Variants in ZNF560 observed in about 807,000 individuals in gnomAD.
ZNF560 encodes the protein zinc finger protein 560.
A neutral mutation model predicts 81.8 loss-of-function variants in ZNF560; 54 were observed. That is an observed-to-expected ratio of 0.66 (90% CI 0.53 to 0.83). The LOEUF (loss-of-function observed/expected upper bound fraction) is 0.83. Among genes scored for constraint, ZNF560 ranks in the 40% least tolerant of loss-of-function variants. ZNF560 has a pLI of 0.00. For missense variants in ZNF560, 940 were observed against 932.4 expected (o/e 1.01, Z -0.11); for synonymous variants, 321 against 317.9 (o/e 1.01, Z -0.10).
chr19:9,488,949 T>G (rs2073427092), intron 2 of ZNF560, among the ~76,000 whole-genome samples: 1 of 152,192 alleles, frequency 6.6e-6, no homozygotes. Flanking sequence ...TCTCCCTTGC[T>G]CCTGGCTCCT....
the ZNF560 span, among the ~76,000 whole-genome samples, chr19:9,452,867 G>A: frequency 6.6e-6 from 1 of 152,148 alleles, no homozygotes; most frequent in South Asian, 2.1e-4. Context: ...ATTTACCCAT[G>A]TTACAAACAT....
intron 7 of ZNF560, 24 bp downstream of exon 7, chr19:9,470,368 T>C (rs1350723448): frequency 2.5e-6 from 4 of 1,593,518 alleles, no homozygotes; most frequent in Admixed American, 3.5e-5. Flanking sequence ...CAGAATAGGC[T>C]ACAAGGGATG....
chr19:9,458,842 G>A, the ZNF560 span, among the ~76,000 whole-genome samples: 3 of 152,186 alleles, frequency 2.0e-5, no homozygotes, highest in Non-Finnish European at 4.4e-5. Flanking sequence ...ATGATTCCTT[G>A]AGGATTGGAA....
At position 9,474,301 on chromosome 19, in the gene ZNF560, C is replaced by T; in HGVS notation, c.55G>A (p.Ala19Thr). ...YQYSVTFEDT[A>T]VDFTQEEWIL... ...CACTCCTCCTGGGTGAAGTCCACAGCTGTATCCTCAAAGGTCACGGAGTAC... is the reference window on the plus strand; with the variant it reads ...CACTCCTCCTGGGTGAAGTCCACAGTTGTATCCTCAAAGGTCACGGAGTAC... The change falls in exon 4 of 10, where the codon GCT becomes ACT. Residue 19 changes from alanine to threonine, a missense_variant. Coordinates refer to ENST00000301480, the MANE Select transcript of ZNF560 (RefSeq NM_152476.3). 6.2e-7 allele frequency: 1 copy of T among 1,613,890 alleles called. No homozygotes were observed.
At chr19:9,470,626 C>T in intron 6 of ZNF560, 108 bp from the exon 7 acceptor site, 3 of 1,475,570 alleles carry the variant, frequency 2.0e-6, no homozygotes, top group Non-Finnish European at 2.8e-6. Context: ...TGAGTGCTCC[C>T]ACTATCTACA....
At chr19:9,474,557 C>T (rs2073170636) in intron 3 of ZNF560, among the ~76,000 whole-genome samples, 1 of 152,204 alleles carries the variant, frequency 6.6e-6, no homozygotes, top group African/African-American at 2.4e-5. Context: ...TCATGAACTT[C>T]TCATCACAAG....
At chr19:9,475,247 G>A (rs750857289) in intron 3 of ZNF560, 37 bp downstream of exon 3, 9 of 1,609,996 alleles carry the variant, frequency 5.6e-6, no homozygotes, top group Non-Finnish European at 6.8e-6. Flanking sequence ...GGTGATGCAA[G>A]TATGTCATTT....
chr19:9,457,798 G>C, the ZNF560 span, among the ~76,000 whole-genome samples: 1 of 152,160 alleles, frequency 6.6e-6, no homozygotes, highest in Non-Finnish European at 1.5e-5. Context: ...GCCTGCTCTA[G>C]GCATTCTGAC....
chr19:9,490,357 G>T (rs2073452153), intron 2 of ZNF560, among the ~76,000 whole-genome samples: 1 of 152,200 alleles, frequency 6.6e-6, no homozygotes, highest in Non-Finnish European at 1.5e-5. Context: ...CAAGTGGGTA[G>T]CACTTAACTA....
chr19:9,470,755 C>T (rs183379926), intron 6 of ZNF560, among the ~76,000 whole-genome samples: 72 of 152,234 alleles, frequency 4.7e-4, no homozygotes, highest in South Asian at 4.6e-3. Context: ...ACAACTAGAC[C>T]GGGAGCTCAT....
At chr19:9,483,807 T>C (rs2073341632) in intron 2 of ZNF560, among the ~76,000 whole-genome samples, 1 of 152,150 alleles carries the variant, frequency 6.6e-6, no homozygotes, top group Non-Finnish European at 1.5e-5. Flanking sequence ...CAACAGCTCA[T>C]TGAGAACGGG....
chr19:9,483,889 G>C (rs1439838023), intron 2 of ZNF560, among the ~76,000 whole-genome samples: 1 of 149,892 alleles, frequency 6.7e-6, no homozygotes, highest in Admixed American at 6.7e-5. Flanking sequence ...AAATCAGATT[G>C]TTGCTGTGTC....
chr19:9,453,890 T>A, the ZNF560 span, among the ~76,000 whole-genome samples: 1 of 152,148 alleles, frequency 6.6e-6, no homozygotes, highest in Non-Finnish European at 1.5e-5. Context: ...AATGATAGAC[T>A]AAGAAAAGAA....
rs148887048 is a variant in ZNF560 at position 9,467,442 on chromosome 19, G to C, written c.1505C>G (p.Ser502Cys). The change falls in exon 10 of 10, where the codon TCT (serine) becomes TGT (cysteine). Residue 502 changes from serine to cysteine, a missense_variant. By Grantham distance (112) the Ser-to-Cys change is moderately radical. Coordinates refer to ENST00000301480, the MANE Select transcript of ZNF560 (RefSeq NM_152476.3). ...QCGKVFVSFS[S>C]LFAHLRTHTG... ...GTGAGTTCTCAAATGAGCAAAAAGA[G>C]ATGAGAAAGAAACAAAGACTTTCCC... 1.2e-6 allele frequency: 2 copies of C among 1,613,760 alleles called. No individual in the cohort carries two copies. Among genetic ancestry groups the C allele is most frequent in the Admixed American group, 3.3e-5 (2 of 59,976 alleles).
At chr19:9,478,563 A>C (rs1384099462) in intron 2 of ZNF560, among the ~76,000 whole-genome samples, 1 of 152,210 alleles carries the variant, frequency 6.6e-6, no homozygotes, top group Non-Finnish European at 1.5e-5. Flanking sequence ...TAAGAGATAA[A>C]AGTATTAGGA....
chr19:9,505,869 G>A, the ZNF560 span, among the ~76,000 whole-genome samples: 2 of 152,018 alleles, frequency 1.3e-5, no homozygotes, highest in Non-Finnish European at 2.9e-5. Context: ...TCACCATGTT[G>A]GCCAGGCTGA....
chr19:9,501,327 TTGTGTGTGTGTGTGTGTGTGTGTG>T (rs71185606), upstream of ZNF560, among the ~76,000 whole-genome samples: 16 of 109,020 alleles, frequency 1.5e-4, no homozygotes, highest in African/African-American at 3.8e-4. Flanking sequence ...CCTGGCTACT[TTGTGTGTGTGTGTGTGTGTGTGTG>T]TGTGTGTGTG....
At chr19:9,473,286 T>C (rs2073150686) in intron 4 of ZNF560, 27 bp from the exon 5 acceptor site, 1 of 1,573,642 alleles carries the variant, frequency 6.4e-7, no homozygotes, top group South Asian at 1.2e-5. Context: ...GATACATTAA[T>C]GGAAGAGGCT....
rs199938653 is a variant in ZNF560 at position 9,467,833 on chromosome 19, C to A, written c.1114G>T (p.Gly372Trp). The change falls in exon 10 of 10, where the codon GGG becomes TGG. Residue 372 changes from glycine (G) to tryptophan (W), a missense_variant. Coordinates refer to ENST00000301480, the MANE Select transcript of ZNF560 (RefSeq NM_152476.3). ...TGCTTACATTTATAAGGTTTTATCC[C>A]AATGTGGGTTTGCATGTGATTATTA... Reference protein sequence around the residue: ...HLNNHMQTHIGIKPYKCKHCG... With the variant: ...HLNNHMQTHIWIKPYKCKHCG... The A allele has an allele frequency of 6.2e-7, 1 of 1,614,158 alleles. No homozygotes were observed. The highest frequency in any genetic ancestry group is 2.2e-5 in the East Asian group (1 of 44,880).
Sources: allele counts gnomAD v4.1 joint callset (sites outside exome capture counted in the v4.1 genomes callset), GRCh38; gene constraint gnomAD v4.1.1; transcripts MANE v1.5; gene names NCBI Gene and HGNC (gene_info 2026-07-23, HGNC 2026-07-21).